PLD1: variants seen among roughly 807,000 people sequenced by gnomAD.
The protein encoded by PLD1 is choline phosphatase 1.
A neutral mutation model predicts 137.1 loss-of-function variants in PLD1; 112 were observed. The observed-to-expected ratio is 0.82, with a 90% CI of 0.70 to 0.96. The LOEUF is 0.96. Among genes scored for constraint, PLD1 ranks in the 40% least tolerant of loss-of-function variants. PLD1 has a pLI of 0.00. For synonymous variants in PLD1, 431 were observed against 454.7 expected (o/e 0.95, Z 0.66); for missense variants, 1,321 against 1,342.0 (o/e 0.98, Z 0.24).
At chr3:171,747,458 T>C (rs568403567) in intron 1 of PLD1, among the ~76,000 whole-genome samples, 211 of 150,778 alleles carry the variant, frequency 1.4e-3, no homozygotes, top group African/African-American at 5.0e-3. Context: ...CCTGCCTCTC[T>C]TCTCTTCCTC....
chr3:171,805,536 T>G (rs2108361865), intron 1 of PLD1, among the ~76,000 whole-genome samples: 1 of 152,204 alleles, frequency 6.6e-6, no homozygotes, highest in African/African-American at 2.4e-5. Context: ...CTCCTCACAA[T>G]CAGGAGTTAA....
intron 21 of PLD1, 25 bp from the exon 22 acceptor site, chr3:171,645,048 T>G: frequency 6.9e-7 from 1 of 1,451,438 alleles, no homozygotes; most frequent in Non-Finnish European, 9.7e-7. Flanking sequence ...TGCAGAGAAA[T>G]TCACCCAAAA....
chr3:171,697,105 C>T (rs16856569), intron 12 of PLD1, among the ~76,000 whole-genome samples: 6 of 152,004 alleles, frequency 3.9e-5, no homozygotes, highest in Non-Finnish European at 8.8e-5. Context: ...TGAGCCCTAC[C>T]GAGGCATTTA....
intron 21 of PLD1, 146 bp downstream of exon 21, chr3:171,659,067 A>T (rs1233188484): frequency 3.1e-6 from 2 of 655,432 alleles, no homozygotes; most frequent in East Asian, 5.1e-5. Flanking sequence ...ACTGACTCAG[A>T]CTAAAGGCAT....
chr3:171,603,182 G>A lies in PLD1; in HGVS notation c.3121C>T (p.Arg1041Cys), dbSNP rs1275391238. The change falls in exon 27 of 27, where the codon CGT (arginine) becomes TGT (cysteine). Residue 1041 changes from arginine to cysteine, a missense_variant. Coordinates refer to ENST00000351298, the MANE Select transcript of PLD1 (RefSeq NM_002662.5). The stretch of plus-strand genomic sequence containing the variant: ...AAGGGGAATTGCACCAAAAATCCAC[G>A]GATCTTCTTCAGTTCCTCCTCAGCT... The part of the protein sequence containing the change: ...IRAEEELKKI[R>C]GFLVQFPFYF... 6.8e-6 allele frequency: 11 copies of A among 1,614,032 alleles called. No homozygotes were observed. Among genetic ancestry groups the A allele is most frequent in the Admixed American group, 1.7e-5 (1 of 60,008 alleles).
chr3:171,675,643 T>C (rs1233538024), intron 18 of PLD1, among the ~76,000 whole-genome samples: 3 of 152,180 alleles, frequency 2.0e-5, no homozygotes, highest in African/African-American at 7.2e-5. Context: ...TGTTTATTCA[T>C]CCATCTCCCC....
chr3:171,606,055 G>C (rs1252568371), intron 25 of PLD1, among the ~76,000 whole-genome samples: 3 of 152,190 alleles, frequency 2.0e-5, no homozygotes, highest in African/African-American at 7.2e-5. Flanking sequence ...GGTTGAAACA[G>C]GGAGCCCATT....
chr3:171,685,925 C>T (rs1448180518), intron 16 of PLD1, among the ~76,000 whole-genome samples: 1 of 152,080 alleles, frequency 6.6e-6, no homozygotes, highest in Non-Finnish European at 1.5e-5. Flanking sequence ...TCAACACAAG[C>T]CTGGCCAACA....
chr3:171,714,080 A>G lies in PLD1; in HGVS notation c.759-35T>C, dbSNP rs377554476. 5 of 1,362,976 alleles carry G rather than the reference A, an allele frequency of 3.7e-6. No homozygotes were observed. The African/African-American group carries it at 7.2e-5, about 20-fold the overall frequency. 84.4% of individuals were successfully genotyped at this position (1,362,976 alleles called of 1,614,324 possible). A position where few individuals can be genotyped will look rare whatever the true frequency, so the allele number is the denominator to read the frequency against. ...GGTAGTAAGTATTTTTAAAAGTTGC[A>G]TTGAGTAAATAAAACGAGAAGAACT... On this transcript the variant is annotated intron_variant, in intron 8 of 26. Coordinates refer to ENST00000351298, the MANE Select transcript of PLD1 (RefSeq NM_002662.5).
At chr3:171,656,156 T>TTTTATTTATTTATTTATTTATTGA (rs1737177624) in intron 21 of PLD1, among the ~76,000 whole-genome samples, 2 of 145,360 alleles carry the variant, frequency 1.4e-5, no homozygotes, top group East Asian at 3.9e-4. Flanking sequence ...AATACTATAA[T>TTTTATTTATTTATTTATTTATTGA]TTTATTTATT....
At chr3:171,637,079 G>A (rs1196523511) in intron 23 of PLD1, among the ~76,000 whole-genome samples, 3 of 152,204 alleles carry the variant, frequency 2.0e-5, no homozygotes, top group Non-Finnish European at 2.9e-5. Flanking sequence ...TACACTGACT[G>A]ATTTTCAGAT....
At chr3:171,716,302 G>C (rs1717680024) in intron 8 of PLD1, among the ~76,000 whole-genome samples, 1 of 152,102 alleles carries the variant, frequency 6.6e-6, no homozygotes, top group South Asian at 2.1e-4. Flanking sequence ...TAGTTCTTTG[G>C]GGAATCATCA....
chr3:171,625,881 A>G (rs1734061147), intron 23 of PLD1, among the ~76,000 whole-genome samples: 1 of 152,216 alleles, frequency 6.6e-6, no homozygotes, highest in Non-Finnish European at 1.5e-5. Flanking sequence ...CCAAAAGTAC[A>G]TAAAACCACA....
At chr3:171,619,877 C>T (rs1009413027) in intron 24 of PLD1, among the ~76,000 whole-genome samples, 1 of 151,790 alleles carries the variant, frequency 6.6e-6, no homozygotes, top group Non-Finnish European at 1.5e-5. Context: ...TGAGACCAGC[C>T]TGGGAAACAC....
At chr3:171,673,809 G>C (rs1209093855) in intron 19 of PLD1, among the ~76,000 whole-genome samples, 1 of 152,146 alleles carries the variant, frequency 6.6e-6, no homozygotes, top group Non-Finnish European at 1.5e-5. Flanking sequence ...TGCCCATATT[G>C]ATGACTTCAA....
intron 1 of PLD1, among the ~76,000 whole-genome samples, chr3:171,764,168 T>C (rs1183634537): frequency 6.6e-6 from 1 of 152,046 alleles, no homozygotes; most frequent in African/African-American, 2.4e-5. Flanking sequence ...AGAGATGGAG[T>C]TTCTCTATGT....
intron 26 of PLD1, among the ~76,000 whole-genome samples, chr3:171,603,563 G>A (rs1399088611): frequency 6.6e-6 from 1 of 152,130 alleles, no homozygotes. Context: ...CCCACATTAA[G>A]GTTAATTTTT....
At chr3:171,684,572 A>C (rs1455279744) in intron 16 of PLD1, among the ~76,000 whole-genome samples, 4 of 152,168 alleles carry the variant, frequency 2.6e-5, no homozygotes, top group Non-Finnish European at 4.4e-5. Flanking sequence ...GTTCTTCTCC[A>C]TTTTTATTTT....
At chr3:171,803,092 A>G (rs1210399306) in intron 1 of PLD1, among the ~76,000 whole-genome samples, 1 of 152,196 alleles carries the variant, frequency 6.6e-6, no homozygotes, top group Non-Finnish European at 1.5e-5. Flanking sequence ...GTTTAGCCAG[A>G]CTTTGGAACT....
Sources: allele counts gnomAD v4.1 joint callset (sites outside exome capture counted in the v4.1 genomes callset), GRCh38; gene constraint gnomAD v4.1.1; transcripts MANE v1.5; gene names NCBI Gene and HGNC (gene_info 2026-07-23, HGNC 2026-07-21).